The following OGFR variants were observed in gnomAD, a reference collection of about 807,000 sequenced individuals.
OGFR encodes the protein opioid growth factor receptor.
Under a neutral mutation model 33.6 loss-of-function variants are expected in OGFR, and 18 were observed. That is an observed-to-expected ratio of 0.54 (90% CI 0.37 to 0.80). The LOEUF (loss-of-function observed/expected upper bound fraction) is 0.80. Among genes scored for constraint, OGFR ranks in the 30% least tolerant of loss-of-function variants. The pLI, the probability that OGFR is intolerant of heterozygous loss-of-function variation, is 0.00. For synonymous variants in OGFR, 370 were observed against 400.7 expected (o/e 0.92, Z 0.91); for missense variants, 877 against 955.8 (o/e 0.92, Z 1.09).
chr20:62,807,694 G>A (rs1990628942), intron 2 of OGFR, 89 bp downstream of exon 2: 1 of 1,384,316 alleles, frequency 7.2e-7, no homozygotes, highest in Admixed American at 1.9e-5. Context: ...TGGAAGGCTG[G>A]CCTGGCTTGC....
Position 62,809,645 on chromosome 20 carries a change from A to G in OGFR, c.380A>G (p.Asn127Ser). Residue 127 changes from asparagine to serine, a missense_variant, in exon 4 of 7, where the codon AAT (asparagine) becomes AGT (serine). Transcript: ENST00000290291. ...GACAACTATGACCTCCTTGAGGACA[A>G]TCACTCCTACATCCAGTGGTGAGTT... The part of the protein sequence containing the change: ...WTDNYDLLED[N>S]HSYIQWLFPL... The G allele has an allele frequency of 3.1e-6, 5 of 1,608,030 alleles. No individual in the cohort carries two copies. Among genetic ancestry groups the G allele is most frequent in the Non-Finnish European group, 3.4e-6 (4 of 1,177,316 alleles).
In OGFR at chr20:62,813,733, A is replaced by G. The variant is rs1260454891; in HGVS notation, c.*84A>G. The G allele has an allele frequency of 2.0e-6, 3 of 1,510,286 alleles. No individual in the cohort carries two copies. Among genetic ancestry groups the G allele is most frequent in the South Asian group, 2.3e-5 (2 of 87,468 alleles). The allele number at this position is 1,510,286 out of a possible 1,614,324, so 93.6% of individuals were successfully genotyped here. A position where few individuals can be genotyped will look rare whatever the true frequency, so the allele number is the denominator to read the frequency against. ...TCCGGAGCTGCTGCGGGCTCCCCTC[A>G]GGCTCTGCTTCGTGACCCGTGACCC... On this transcript the variant is annotated 3_prime_UTR_variant, in exon 7 of 7. Transcript: ENST00000290291.
At position 62,808,271 on chromosome 20, in the gene OGFR, G is replaced by T; in HGVS notation, c.265G>T (p.Gly89Trp). The T allele has an allele frequency of 1.2e-6, 2 of 1,613,390 alleles. No homozygotes were observed. Among genetic ancestry groups the T allele is most frequent in the African/African-American group, 2.7e-5 (2 of 75,052 alleles). The change falls in exon 3 of 7, where the codon GGG (glycine) becomes TGG (tryptophan). Residue 89 changes from glycine (G) to tryptophan (W), a missense_variant. This residue lies in a region of OGFR where 760 missense variants were observed against 736.0 expected (regional missense o/e 1.03). Transcript: ENST00000290291. The stretch of plus-strand genomic sequence containing the variant: ...GGATCTGGTGGAACGAGACTGCAAT[G>T]GGGACACGCCAAACCTGAGTTTCTA... ...YPDLVERDCN[G>W]DTPNLSFYRN...
intron 4 of OGFR, 56 bp from the exon 5 acceptor site, chr20:62,810,443 C>CTT: frequency 6.4e-7 from 1 of 1,574,066 alleles, no homozygotes; most frequent in Non-Finnish European, 8.7e-7. Context: ...GAGCACCTGC[C>CTT]CAAGGTCTGG....
Position 62,809,580 on chromosome 20 carries a change from C to G in OGFR, c.320-5C>G, listed in dbSNP as rs375466909. On this transcript the variant is annotated splice_region_variant and splice_polypyrimidine_tract_variant and intron_variant, in intron 3 of 6. Coordinates refer to ENST00000290291, the MANE Select transcript of OGFR (RefSeq NM_007346.4). ...ACAGCTGACTTGTCCCCATGGGGCT[C>G]CCAGGCTGTTTCATTGAGGACATTC... 8 of 1,611,598 alleles carry G rather than the reference C, an allele frequency of 5.0e-6. No individual in the cohort carries two copies. In the African/African-American group the frequency reaches 9.3e-5, roughly 19 times the overall value.
chr20:62,811,624 G>GCGGGCCCCCCCCCC lies in OGFR; in HGVS notation c.614+15_614+16insGGGCCCCCCCCCCC. On this transcript the variant is annotated intron_variant, in intron 6 of 6. Transcript: ENST00000290291. ...GAACCTGAACTGGTGAGGCCCGGCTGCTCCCGCCCACCCCCACCCCGGCGC... is the reference window on the plus strand; with the variant it reads ...GAACCTGAACTGGTGAGGCCCGGCTGCGGGCCCCCCCCCCCTCCCGCCCACCCCCACCCCGGCGC... 5.2e-6 allele frequency: 8 copies of GCGGGCCCCCCCCCC among 1,551,446 alleles called. No homozygotes were observed. The highest frequency in any genetic ancestry group is 1.9e-5 in the Admixed American group (1 of 51,886).
Position 62,812,680 on chromosome 20 carries a change from G to A in OGFR, c.1065G>A (p.Ala355=), listed in dbSNP as rs370280792. The A allele has an allele frequency of 3.7e-5, 58 of 1,569,942 alleles. No individual in the cohort carries two copies. The highest frequency in any genetic ancestry group is 4.3e-5 in the Non-Finnish European group (50 of 1,158,090). ...PQPRSVEPQD[A]GPLERSQGDE... ...CACGGAGCGTGGAGCCCCAGGATGC[G>A]GGACCCCTGGAGAGGAGCCAGGGGG... Residue 355 remains alanine (A), a synonymous_variant, in exon 7 of 7, where the codon GCG becomes GCA. Transcript: ENST00000290291.
At chr20:62,806,200 C>G (rs1243951320) in intron 1 of OGFR, 1 of 152,352 alleles carries the variant, frequency 6.6e-6, no homozygotes, top group Non-Finnish European at 1.5e-5. Flanking sequence ...GAAGTAGAAA[C>G]TGATGATCAG....
At chr20:62,805,503 C>T (rs1365237742) in intron 1 of OGFR, 3 of 153,188 alleles carry the variant, frequency 2.0e-5, no homozygotes, top group Non-Finnish European at 4.4e-5. Context: ...GGGGCCTCCG[C>T]TTGTTACTTT....
At position 62,812,145 on chromosome 20, in the gene OGFR, C is replaced by T. The variant is rs1033185093; in HGVS notation, c.615-85C>T. On this transcript the variant is annotated intron_variant, in intron 6 of 6. Transcript: ENST00000290291. ...CCAGGGTGGGGAGACCTCGTGGAGCCGGGTGGGAGGGCAGGCCAGGGCGGG... is the reference window on the plus strand; with the variant it reads ...CCAGGGTGGGGAGACCTCGTGGAGCTGGGTGGGAGGGCAGGCCAGGGCGGG... 11 of 1,209,148 alleles carry T rather than the reference C, an allele frequency of 9.1e-6. No individual in the cohort carries two copies. In the Middle Eastern group the frequency reaches 6.2e-4, roughly 69 times the overall value. The allele number at this position is 1,209,148 out of a possible 1,614,324, so 74.9% of individuals were successfully genotyped here.
intron 4 of OGFR, 92 bp downstream of exon 4, chr20:62,809,755 C>G: frequency 3.0e-6 from 3 of 998,852 alleles, no homozygotes; most frequent in Non-Finnish European, 4.8e-6. Flanking sequence ...TGCTTCCTGG[C>G]ACGGACTGAG....
At position 62,813,621 on chromosome 20, in the gene OGFR, A is replaced by C. The variant is rs750619471; in HGVS notation, c.2006A>C (p.Glu669Ala). Residue 669 changes from glutamate (E) to alanine (A), a missense_variant, in exon 7 of 7, where the codon GAG (glutamate) becomes GCG (alanine). Coordinates refer to ENST00000290291, the MANE Select transcript of OGFR (RefSeq NM_007346.4). Reference protein sequence around the residue: ...EAAELQDAEVESSAKSGKP With the variant: ...EAAELQDAEVASSAKSGKP ...GCAGAGTTGCAGGACGCAGAGGTGG[A>C]GTCTTCTGCCAAGTCTGGGAAGCCT... The C allele has an allele frequency of 6.2e-7, 1 of 1,612,724 alleles. No individual in the cohort carries two copies. Among genetic ancestry groups the C allele is most frequent in the Non-Finnish European group, 8.5e-7 (1 of 1,179,878 alleles).
Position 62,804,922 on chromosome 20 carries a change from G to A in OGFR, c.63G>A (p.Glu21=). ...ACGAGGAGGATGCGGAGGACGCGGA[G>A]GACGAGGACTGCGAGGACGGCGAGG... is the stretch of plus-strand genomic sequence containing the variant. ...EEDEEDAEDA[E]DEDCEDGEAA... Residue 21 remains glutamate (E), a synonymous_variant, in exon 1 of 7, where the codon GAG becomes GAA. Transcript: ENST00000290291. 6.7e-7 allele frequency: 1 copy of A among 1,496,836 alleles called. No homozygotes were observed. Among genetic ancestry groups the A allele is most frequent in the Non-Finnish European group, 8.9e-7 (1 of 1,123,196 alleles). 92.7% of individuals were successfully genotyped at this position (1,496,836 alleles called of 1,614,324 possible). A position where few individuals can be genotyped will look rare whatever the true frequency, so the allele number is the denominator to read the frequency against.
At position 62,812,696 on chromosome 20, in the gene OGFR, A is replaced by AGCCAGGGGGATGAGGCAGGGG; in HGVS notation, c.1086_1106dup (p.Gln362_Gly368dup). 19 of 1,577,094 alleles carry AGCCAGGGGGATGAGGCAGGGG rather than the reference A, an allele frequency of 1.2e-5. No homozygotes were observed. The highest frequency in any genetic ancestry group is 1.6e-5 in the Non-Finnish European group (19 of 1,161,962). On this transcript the variant is annotated inframe_insertion, in exon 7 of 7. Transcript: ENST00000290291. The stretch of plus-strand genomic sequence containing the variant: ...CCAGGATGCGGGACCCCTGGAGAGG[A>AGCCAGGGGGATGAGGCAGGGG]GCCAGGGGGATGAGGCAGGGGGCCA...
chr20:62,809,738 C>T (rs1468585962), intron 4 of OGFR, 75 bp downstream of exon 4: 15 of 1,183,244 alleles, frequency 1.3e-5, no homozygotes, highest in Middle Eastern at 1.9e-4. Flanking sequence ...AGGAGCCCTC[C>T]CGACGCTGCT....
In OGFR at chr20:62,813,690, G is replaced by C. The variant is rs1174860016; in HGVS notation, c.*41G>C. On this transcript the variant is annotated 3_prime_UTR_variant, in exon 7 of 7. Transcript: ENST00000290291. Reference sequence around the variant, plus strand: ...TCGGCGTCTTGGTCCTCCTGTCCCTGCTGCAGGGGCTGGGGCCTCCGGAGC... The same window carrying C: ...TCGGCGTCTTGGTCCTCCTGTCCCTCCTGCAGGGGCTGGGGCCTCCGGAGC... 1 of 1,603,714 alleles carries C rather than the reference G, an allele frequency of 6.2e-7. No individual in the cohort carries two copies. The highest frequency in any genetic ancestry group is 8.5e-7 in the Non-Finnish European group (1 of 1,173,182).
chr20:62,812,627 G>T lies in OGFR; in HGVS notation c.1012G>T (p.Gly338Trp), dbSNP rs1465917373. Residue 338 changes from glycine (G) to tryptophan (W), a missense_variant, in exon 7 of 7, where the codon GGG (glycine) becomes TGG (tryptophan). Coordinates refer to ENST00000290291, the MANE Select transcript of OGFR (RefSeq NM_007346.4). ...RTCGPEHSKG[G>W]GRVDEGPQPR... ...CTGTGGGCCAGAGCATAGCAAGGGT[G>T]GGGGCAGGGTGGACGAGGGGCCCCA... 1.3e-6 allele frequency: 2 copies of T among 1,561,696 alleles called. No individual in the cohort carries two copies. Among genetic ancestry groups the T allele is most frequent in the African/African-American group, 1.4e-5 (1 of 73,648 alleles).
At chr20:62,812,102 G>A (rs1990740381) in intron 6 of OGFR, 128 bp from the exon 7 acceptor site, 1 of 798,210 alleles carries the variant, frequency 1.3e-6, no homozygotes, top group African/African-American at 1.8e-5. Flanking sequence ...TAAATGGAGA[G>A]AGAGACTGAA....
In OGFR at chr20:62,812,226, G is replaced by T. The variant is rs779874030; in HGVS notation, c.615-4G>T. ...TGACCTCTCCTGACCCGGATCTCTCGCAGGCGCAGCCACAACAACCTCCGC... is the reference window on the plus strand; with the variant it reads ...TGACCTCTCCTGACCCGGATCTCTCTCAGGCGCAGCCACAACAACCTCCGC... On this transcript the variant is annotated splice_polypyrimidine_tract_variant and splice_region_variant and intron_variant, in intron 6 of 6. Transcript: ENST00000290291. The T allele has an allele frequency of 1.3e-6, 2 of 1,492,494 alleles. No individual in the cohort carries two copies. The highest frequency in any genetic ancestry group is 1.8e-6 in the Non-Finnish European group (2 of 1,116,964). 92.5% of individuals were successfully genotyped at this position (1,492,494 alleles called of 1,614,324 possible).
Sources: gnomAD v4.1 joint callset for allele counts on GRCh38, gnomAD v4.1.1 for gene constraint, gnomAD v4.1.1 regional missense constraint, MANE v1.5 for transcripts, NCBI Gene and HGNC (gene_info 2026-07-23, HGNC 2026-07-21) for gene names.